RNF150: variants seen among roughly 807,000 people sequenced by gnomAD.
RNF150 encodes the protein ring finger protein 150.
RNF150 carries 24 observed loss-of-function variants against 39.3 expected under a neutral mutation model. That is an observed-to-expected ratio of 0.61 (90% CI 0.44 to 0.86). The LOEUF (loss-of-function observed/expected upper bound fraction) is 0.86. Among genes scored for constraint, RNF150 ranks in the 40% least tolerant of loss-of-function variants. The pLI is 0.00. For synonymous variants in RNF150, 255 were observed against 227.3 expected (o/e 1.12, Z -1.10); for missense variants, 502 against 587.8 (o/e 0.85, Z 1.51).
intron 5 of RNF150, among the ~76,000 whole-genome samples, chr4:140,914,458 C>T (rs1394582182): frequency 5.9e-5 from 9 of 152,178 alleles, no homozygotes; most frequent in Admixed American, 5.2e-4. Context: ...CATGGGAAAC[C>T]CCTCAAATAA....
At chr4:140,966,981 C>T (rs958075495) in intron 2 of RNF150, among the ~76,000 whole-genome samples, 2 of 152,092 alleles carry the variant, frequency 1.3e-5, no homozygotes, top group Admixed American at 6.6e-5. Context: ...AGAAGTGAGA[C>T]GGAAGCTTGG....
chr4:140,878,164 G>GTTTTTTTTTTTTTT (rs58338048), intron 6 of RNF150, among the ~76,000 whole-genome samples: 4 of 90,502 alleles, frequency 4.4e-5, no homozygotes, highest in Admixed American at 1.3e-4. Context: ...ATCTCATTGT[G>GTTTTTTTTTTTTTT]TTTTTTTTTT....
intron 1 of RNF150, among the ~76,000 whole-genome samples, chr4:141,211,364 T>G (rs956217079): frequency 2.0e-5 from 3 of 152,170 alleles, no homozygotes; most frequent in Non-Finnish European, 4.4e-5. Flanking sequence ...CAAGAAAACC[T>G]CATTGAAGCT....
chr4:141,094,495 T>G (rs1738703146), intron 1 of RNF150, among the ~76,000 whole-genome samples: 2 of 152,262 alleles, frequency 1.3e-5, no homozygotes, highest in Non-Finnish European at 2.9e-5. Flanking sequence ...TATTTAAGGT[T>G]TTGCAGGCCA....
intron 4 of RNF150, among the ~76,000 whole-genome samples, chr4:140,932,792 G>A (rs1253801002): frequency 1.3e-5 from 2 of 152,230 alleles, no homozygotes; most frequent in Admixed American, 6.5e-5. Context: ...AATTCTGGCA[G>A]ATAAATTATA....
At chr4:140,979,827 G>A (rs897383593) in intron 1 of RNF150, among the ~76,000 whole-genome samples, 4 of 152,066 alleles carry the variant, frequency 2.6e-5, no homozygotes, top group African/African-American at 4.8e-5. Flanking sequence ...ACGGAAACTC[G>A]AAGGCTGATG....
upstream of RNF150, among the ~76,000 whole-genome samples, chr4:141,137,856 C>T (rs1249761817): frequency 1.3e-5 from 2 of 152,082 alleles, no homozygotes; most frequent in African/African-American, 4.8e-5. Context: ...TGAGTCCTGG[C>T]CTTTGGGGGA....
At chr4:141,168,386 T>G (rs527855278) in intron 1 of RNF150, among the ~76,000 whole-genome samples, 1 of 152,294 alleles carries the variant, frequency 6.6e-6, no homozygotes, top group East Asian at 1.9e-4. Context: ...GACAATGTGG[T>G]GATTCCTCAA....
intron 1 of RNF150, among the ~76,000 whole-genome samples, chr4:140,997,240 A>T (rs950277273): frequency 6.6e-6 from 1 of 152,240 alleles, no homozygotes; most frequent in African/African-American, 2.4e-5. Context: ...TAGAAATAAT[A>T]ATCTAAGATG....
chr4:141,071,383 TAAA>T (rs149908004), intron 1 of RNF150, among the ~76,000 whole-genome samples: 1 of 150,628 alleles, frequency 6.6e-6, no homozygotes. Context: ...AAAGTATAAT[TAAA>T]AAAAAATGGA....
chr4:141,152,390 T>G (rs1298977903), intron 1 of RNF150, among the ~76,000 whole-genome samples: 1 of 152,230 alleles, frequency 6.6e-6, no homozygotes, highest in Non-Finnish European at 1.5e-5. Flanking sequence ...GGAGGGAATA[T>G]TCCATCCTTT....
intron 1 of RNF150, among the ~76,000 whole-genome samples, chr4:141,181,175 TGTG>T (rs1049845038): frequency 3.9e-5 from 6 of 152,218 alleles, no homozygotes; most frequent in African/African-American, 1.4e-4. Context: ...TTGTGGTACT[TGTG>T]GTGACTTGTG....
intron 1 of RNF150, among the ~76,000 whole-genome samples, chr4:141,124,331 G>A (rs1326292971): frequency 1.3e-5 from 2 of 152,220 alleles, no homozygotes; most frequent in African/African-American, 4.8e-5. Flanking sequence ...CATGCAGCAG[G>A]GGTGTGCTGG....
chr4:140,911,076 ATTT>A (rs762991401), intron 6 of RNF150, 65 bp downstream of exon 6: 2 of 1,299,618 alleles, frequency 1.5e-6, no homozygotes, highest in Non-Finnish European at 2.2e-6. Flanking sequence ...GAGGAAAGGT[ATTT>A]TTTTCCAATT....
rs535368670 is a variant in RNF150, at chr4:141,119,008, G to A, written c.484+13317C>T. ...ACTCCTGACCTCAGGTGATCCACTC[G>A]TCTAGGCCTCTCAAAGTGCAAGGAT... On this transcript the variant is annotated intron_variant, in intron 1 of 6. Transcript: ENST00000515673. 9.9e-5 allele frequency among the ~76,000 whole-genome samples: 15 copies of A among 152,194 alleles called. No homozygotes were observed. In the South Asian group the frequency reaches 3.1e-3, roughly 32 times the overall value.
At chr4:140,870,251 T>C (rs1728875524) in intron 6 of RNF150, among the ~76,000 whole-genome samples, 1 of 152,188 alleles carries the variant, frequency 6.6e-6, no homozygotes, top group African/African-American at 2.4e-5. Context: ...CATAGCAATG[T>C]AACAGATCAA....
chr4:140,977,175 T>C (rs1480080643), intron 1 of RNF150, among the ~76,000 whole-genome samples: 2 of 152,156 alleles, frequency 1.3e-5, no homozygotes, highest in African/African-American at 4.8e-5. Flanking sequence ...ATTAGTACCA[T>C]TACTGTTGTC....
At chr4:140,892,221 G>A (rs967321369) in intron 6 of RNF150, among the ~76,000 whole-genome samples, 1 of 152,092 alleles carries the variant, frequency 6.6e-6, no homozygotes, top group Non-Finnish European at 1.5e-5. Context: ...AGCAATGTAC[G>A]AGGGCAGATG....
At chr4:141,166,383 T>C (rs1423229553) in intron 1 of RNF150, among the ~76,000 whole-genome samples, 1 of 152,198 alleles carries the variant, frequency 6.6e-6, no homozygotes, top group African/African-American at 2.4e-5. Flanking sequence ...AAAGAGGAGC[T>C]AGTATCATTC....
Sources: gnomAD v4.1 joint callset for allele counts (sites outside exome capture counted in the v4.1 genomes callset) on GRCh38, gnomAD v4.1.1 for gene constraint, MANE v1.5 for transcripts, NCBI Gene and HGNC (gene_info 2026-07-23, HGNC 2026-07-21) for gene names.